The following EVI5 variants were observed in gnomAD, a reference collection of about 807,000 sequenced individuals.
EVI5 encodes ecotropic viral integration site 5 protein homolog.
EVI5 carries 73 observed loss-of-function variants against 112.0 expected under a neutral mutation model. That is an observed-to-expected ratio of 0.65 (90% CI 0.54 to 0.79). The LOEUF is 0.79. Ranked by LOEUF, EVI5 falls within the 30% of genes least tolerant of loss-of-function variation. EVI5 has a pLI of 0.00. For missense variants in EVI5, 900 were observed against 968.8 expected, an observed-to-expected ratio of 0.93 and a Z score of 0.94; for synonymous variants, 305 against 319.9, an observed-to-expected ratio of 0.95 and a Z score of 0.50.
In EVI5 at chr1:92,739,273, C is replaced by CAAAAA. The variant is rs72016918; in HGVS notation, c.-81-2651_-81-2647dup. 3.7e-3 allele frequency among the ~76,000 whole-genome samples: 278 copies of CAAAAA among 75,396 alleles called. 5 individuals carry two copies. The highest frequency in any genetic ancestry group is 0.024 in the Middle Eastern group (2 of 84). The allele number at this position is 75,396 out of a possible 152,430, so 49.5% of individuals were successfully genotyped here. On this transcript the variant is annotated intron_variant, in intron 1 of 19. Transcript: ENST00000684568. ...GAGCAACAAAAGCGAAACTCCGTCTCAAAAAAAAAAAAAAAAAAAGCGAAC... is the reference window on the plus strand; with the variant it reads ...GAGCAACAAAAGCGAAACTCCGTCTCAAAAAAAAAAAAAAAAAAAAAAAAGCGAAC...
At chr1:92,570,471 A>T (rs1670173711) in intron 18 of EVI5, among the ~76,000 whole-genome samples, 1 of 152,196 alleles carries the variant, frequency 6.6e-6, no homozygotes, top group Non-Finnish European at 1.5e-5. Flanking sequence ...CTTGGAGAAA[A>T]GTATCTTTGA....
intron 18 of EVI5, among the ~76,000 whole-genome samples, chr1:92,594,982 T>A (rs956472298): frequency 2.6e-5 from 4 of 152,152 alleles, no homozygotes; most frequent in Non-Finnish European, 5.9e-5. Flanking sequence ...GTAAACTAGT[T>A]CAACCATTGT....
At chr1:92,518,868 T>G (rs924750386) in intron 19 of EVI5, among the ~76,000 whole-genome samples, 1 of 152,068 alleles carries the variant, frequency 6.6e-6, no homozygotes, top group Non-Finnish European at 1.5e-5. Flanking sequence ...GATTTAAGAA[T>G]CAGAATGGCA....
chr1:92,622,366 C>T (rs1181045051), intron 16 of EVI5: 4 of 418,970 alleles, frequency 9.5e-6, no homozygotes, highest in Non-Finnish European at 1.9e-5. Context: ...ATAGCAGACA[C>T]AAACACAAAA....
chr1:92,756,335 A>C, intron 1 of EVI5: 1 of 489,606 alleles, frequency 2.0e-6, no homozygotes, highest in Non-Finnish European at 4.1e-6. Flanking sequence ...GGAAAAGATT[A>C]AACACTACAC....
chr1:92,713,034 C>T (rs1673076852), intron 2 of EVI5, among the ~76,000 whole-genome samples: 1 of 151,778 alleles, frequency 6.6e-6, no homozygotes, highest in South Asian at 2.1e-4. Context: ...GCAATCCTCC[C>T]ACCTAGGCCT....
intron 18 of EVI5, among the ~76,000 whole-genome samples, chr1:92,592,823 T>A (rs978686777): frequency 1.3e-5 from 2 of 152,098 alleles, no homozygotes; most frequent in Non-Finnish European, 1.5e-5. Context: ...AATCTAGAAG[T>A]AATGGATAAA....
rs1570500203 is a variant in EVI5 at position 92,709,527 on chromosome 1, T to C, written c.150-4783A>G. Among the ~76,000 whole-genome samples the C allele has an allele frequency of 2.6e-5, 4 of 152,316 alleles. No individual in the cohort carries two copies. The Middle Eastern group carries it at 0.014, about 518-fold the overall frequency. ...GGCATATTTTATAAATAAAGGAAGA[T>C]ATAAACATGACTTCATATTTGCCTT... On this transcript the variant is annotated intron_variant, in intron 2 of 19. Coordinates refer to ENST00000684568, the MANE Select transcript of EVI5 (RefSeq NM_001350197.2).
At chr1:92,588,229 C>T (rs1193440551) in intron 18 of EVI5, among the ~76,000 whole-genome samples, 1 of 152,218 alleles carries the variant, frequency 6.6e-6, no homozygotes. Context: ...TGTCATCTAA[C>T]TGATCACTCC....
intron 19 of EVI5, among the ~76,000 whole-genome samples, chr1:92,525,732 T>C (rs2101784341): frequency 6.6e-6 from 1 of 152,368 alleles, no homozygotes; most frequent in Non-Finnish European, 1.5e-5. Context: ...ACATTCTTCA[T>C]GATTAGCTCA....
intron 1 of EVI5, among the ~76,000 whole-genome samples, chr1:92,772,906 TAAA>T (rs529315237): frequency 2.7e-5 from 3 of 109,734 alleles, no homozygotes; most frequent in Admixed American, 2.1e-4. Context: ...AACCCCATCT[TAAA>T]AAAAAAAAAA....
intron 11 of EVI5, among the ~76,000 whole-genome samples, chr1:92,664,485 TA>T (rs59296856): frequency 0.016 from 2,301 of 143,982 alleles, 32 homozygotes; most frequent in Middle Eastern, 0.036. Context: ...TCCAAAGATT[TA>T]AAAAAAAAAA....
chr1:92,699,055 C>T (rs902286813), intron 5 of EVI5, among the ~76,000 whole-genome samples: 1 of 152,150 alleles, frequency 6.6e-6, no homozygotes, highest in African/African-American at 2.4e-5. Flanking sequence ...GATCTCCAGG[C>T]CTTCTTCTTA....
chr1:92,516,039 A>AG (rs1659810111), intron 19 of EVI5, among the ~76,000 whole-genome samples: 2 of 152,212 alleles, frequency 1.3e-5, no homozygotes. Context: ...AAGGGCATAT[A>AG]GCACCACAAA....
intron 19 of EVI5, among the ~76,000 whole-genome samples, chr1:92,550,574 C>T (rs1666628999): frequency 6.8e-6 from 1 of 147,622 alleles, no homozygotes; most frequent in Non-Finnish European, 1.5e-5. Context: ...AGTGAAACCC[C>T]GTCTCTACTA....
At position 92,697,925 on chromosome 1, in the gene EVI5, C is replaced by T. The variant is rs1213680043; in HGVS notation, c.700G>A (p.Glu234Lys). ...VKLMQDYRLR[E>K]LFKPSMAELG... ...TCTGCCATACTTGGTTTAAAAAGTT[C>T]ACGAAGTCTATAATCTTGCATTAAT... The change falls in exon 6 of 20, where the codon GAA becomes AAA. Residue 234 changes from glutamate to lysine, a missense_variant. By Grantham distance (56) the Glu-to-Lys change is moderately conservative. Transcript: ENST00000684568. The T allele has an allele frequency of 6.2e-7, 1 of 1,612,634 alleles. No homozygotes were observed. The highest frequency in any genetic ancestry group is 8.5e-7 in the Non-Finnish European group (1 of 1,178,972).
chr1:92,676,590 G>C (rs1431334324), intron 10 of EVI5, among the ~76,000 whole-genome samples: 1 of 152,120 alleles, frequency 6.6e-6, no homozygotes, highest in African/African-American at 2.4e-5. Flanking sequence ...AGAATTCCGT[G>C]TTTTATGGAG....
intron 1 of EVI5, among the ~76,000 whole-genome samples, chr1:92,744,594 TCTCTCTCACACACA>T (rs57296280): frequency 0.028 from 3,765 of 133,904 alleles, 72 homozygotes; most frequent in African/African-American, 0.06. Flanking sequence ...TATCTCTCTC[TCTCTCTCACACACA>T]CACACACACA....
At chr1:92,521,942 C>A (rs1403714269) in intron 19 of EVI5, among the ~76,000 whole-genome samples, 2 of 152,188 alleles carry the variant, frequency 1.3e-5, no homozygotes, top group South Asian at 2.1e-4. Flanking sequence ...CGGAGATAAT[C>A]CATTAACATT....
Sources: allele counts gnomAD v4.1 joint callset (sites outside exome capture counted in the v4.1 genomes callset), GRCh38; gene constraint gnomAD v4.1.1; transcripts MANE v1.5; gene names NCBI Gene and HGNC (gene_info 2026-07-23, HGNC 2026-07-21).